The following DEPDC5 variants were observed in gnomAD, a reference collection of about 807,000 sequenced individuals.
The protein encoded by DEPDC5 is DEP domain containing 5, GATOR1 subcomplex subunit.
A neutral mutation model predicts 217.3 loss-of-function variants in DEPDC5; 73 were observed. That is an observed-to-expected ratio of 0.34 (90% CI 0.28 to 0.41). The LOEUF is 0.41. Ranked by LOEUF, DEPDC5 falls within the 10% of genes least tolerant of loss-of-function variation. The pLI is 1.00. For synonymous variants in DEPDC5, 733 were observed against 756.7 expected (o/e 0.97, Z 0.51); for missense variants, 1,675 against 2,070.1 (o/e 0.81, Z 3.70).
At chr22:31,798,795 A>C (rs2086543767) in intron 14 of DEPDC5, 139 bp downstream of exon 14, 1 of 693,066 alleles carries the variant, frequency 1.4e-6, no homozygotes. Context: ...CCACAGAATA[A>C]AGTGAAAGCA....
chr22:31,887,417 C>G, intron 38 of DEPDC5, among the ~76,000 whole-genome samples: 1 of 58,712 alleles, frequency 1.7e-5, no homozygotes, highest in Non-Finnish European at 2.9e-5. Context: ...GAAACTCTGT[C>G]TCAAAAAAAA....
chr22:31,855,533 C>T (rs891685607), intron 31 of DEPDC5, among the ~76,000 whole-genome samples: 6 of 152,086 alleles, frequency 3.9e-5, no homozygotes, highest in Admixed American at 2.0e-4. Context: ...CCCGCCACAA[C>T]GCCCGGCTAA....
At chr22:31,899,901 C>T (rs2093618934) in intron 40 of DEPDC5, among the ~76,000 whole-genome samples, 1 of 152,192 alleles carries the variant, frequency 6.6e-6, no homozygotes, top group African/African-American at 2.4e-5. Context: ...CACAGCCCTC[C>T]ACCCTTCCCC....
At chr22:31,792,971 G>C (rs929900474) in intron 12 of DEPDC5, among the ~76,000 whole-genome samples, 154 bp downstream of exon 12, 3 of 152,040 alleles carry the variant, frequency 2.0e-5, no homozygotes, top group Non-Finnish European at 2.9e-5. Flanking sequence ...TTGGGAGGCT[G>C]AGGTGGGAGG....
rs1016657420 is a variant in DEPDC5, at chr22:31,822,728, CCTT to C, written c.2046_2048del (p.Phe682del). The C allele has an allele frequency of 1.2e-6, 2 of 1,613,992 alleles. No individual in the cohort carries two copies. The highest frequency in any genetic ancestry group is 1.7e-6 in the Non-Finnish European group (2 of 1,180,018). On this transcript the variant is annotated inframe_deletion, in exon 24 of 43. Coordinates refer to ENST00000651528, the MANE Select transcript of DEPDC5 (RefSeq NM_001242896.3). Reference sequence around the variant, plus strand: ...TCCCGCCAGCCTGGTGACGGCATGTCCTTCTTGAACTTCAGTGGAACAGAGGAG... The same window carrying C: ...TCCCGCCAGCCTGGTGACGGCATGTCCTTGAACTTCAGTGGAACAGAGGAG...
chr22:31,784,636 A>AG, intron 9 of DEPDC5, 178 bp from the exon 10 acceptor site: 1 of 461,158 alleles, frequency 2.2e-6, no homozygotes, highest in Non-Finnish European at 3.8e-6. Context: ...AAAAAAAAAA[A>AG]GATGTACAAA....
chr22:31,899,286 C>A (rs112987138), intron 40 of DEPDC5, among the ~76,000 whole-genome samples: 4 of 152,312 alleles, frequency 2.6e-5, no homozygotes, highest in African/African-American at 9.6e-5. Context: ...TTTGTTCTTG[C>A]CATTTCCTAT....
chr22:31,859,801 C>G (rs1271353526), intron 32 of DEPDC5, among the ~76,000 whole-genome samples: 8 of 152,208 alleles, frequency 5.3e-5, no homozygotes, highest in African/African-American at 1.9e-4. Flanking sequence ...GCATTAGGTA[C>G]CAAGGACAGT....
chr22:31,815,305 A>C, intron 21 of DEPDC5, 93 bp downstream of exon 21: 2 of 1,307,150 alleles, frequency 1.5e-6, no homozygotes, highest in Non-Finnish European at 2.2e-6. Context: ...GTGGGGTGTA[A>C]ATCCCACATC....
intron 9 of DEPDC5, chr22:31,784,551 C>A: frequency 3.2e-6 from 1 of 314,738 alleles, no homozygotes; most frequent in South Asian, 3.9e-5. Context: ...ATCGCTTGAA[C>A]CTGGGCGGCA....
At chr22:31,856,730 T>A (rs904821886) in intron 31 of DEPDC5, among the ~76,000 whole-genome samples, 6 of 152,204 alleles carry the variant, frequency 3.9e-5, no homozygotes, top group Non-Finnish European at 8.8e-5. Flanking sequence ...GTATAGAGAA[T>A]TAACACATCT....
rs1329100719 is a variant in DEPDC5 at position 31,907,119 on chromosome 22, T to A, written c.*622T>A. 6.5e-6 allele frequency: 1 copy of A among 154,304 alleles called. No individual in the cohort carries two copies. The highest frequency in any genetic ancestry group is 1.4e-5 in the Non-Finnish European group (1 of 69,562). 9.6% of individuals were successfully genotyped at this position (154,304 alleles called of 1,614,324 possible). ...CAGTCAATGAAGTGGTCACAGATGG[T>A]GAGAGGGCTTCAGAATTCACTGGCT... is the stretch of plus-strand genomic sequence containing the variant. On this transcript the variant is annotated 3_prime_UTR_variant, in exon 43 of 43. Transcript: ENST00000651528.
intron 38 of DEPDC5, among the ~76,000 whole-genome samples, chr22:31,888,743 T>C (rs984870036): frequency 6.6e-6 from 1 of 151,640 alleles, no homozygotes; most frequent in African/African-American, 2.4e-5. Context: ...GGAGACAGGG[T>C]CTTTGTTGCC....
chr22:31,829,647 A>C (rs961991056), intron 24 of DEPDC5, among the ~76,000 whole-genome samples: 5 of 152,046 alleles, frequency 3.3e-5, no homozygotes, highest in Non-Finnish European at 7.4e-5. Context: ...TTTCTCCTGC[A>C]TTTGGACATG....
At chr22:31,826,596 CCCGG>C in intron 24 of DEPDC5, 1 of 342,314 alleles carries the variant, frequency 2.9e-6, no homozygotes, top group Non-Finnish European at 5.8e-6. Context: ...TGAAGCCTGC[CCCGG>C]TGGTTCCCCC....
chr22:31,902,408 T>TATATATATATATATA (rs2093663741), intron 41 of DEPDC5, among the ~76,000 whole-genome samples: 12 of 111,948 alleles, frequency 1.1e-4, no homozygotes, highest in African/African-American at 3.4e-4. Flanking sequence ...CATCTCCTTA[T>TATATATATATATATA]TATATATATA....
rs762226128 is a variant in DEPDC5 at position 31,906,528 on chromosome 22, G to A, written c.*31G>A. On this transcript the variant is annotated 3_prime_UTR_variant, in exon 43 of 43. Transcript: ENST00000651528. The surrounding 1 kb of genome is among the most constrained non-coding windows in gnomAD (Gnocchi z 5.1). ...GGCTGCACCTGTGCTGGGGGAAGGT[G>A]GGTGAGCCACTGCCCTCAAACCCGG... The A allele has an allele frequency of 3.9e-6, 6 of 1,557,988 alleles. No individual in the cohort carries two copies. Among genetic ancestry groups the A allele is most frequent in the Non-Finnish European group, 5.3e-6 (6 of 1,136,560 alleles).
At chr22:31,899,390 C>A (rs1399481423) in intron 40 of DEPDC5, among the ~76,000 whole-genome samples, 1 of 149,238 alleles carries the variant, frequency 6.7e-6, no homozygotes, top group Admixed American at 6.7e-5. Context: ...GCTTTTTGCC[C>A]TTTTTTTTTT....
rs750919199 is a variant in DEPDC5, at chr22:31,906,464, T to C, written c.4779T>C (p.Ser1593=). The C allele has an allele frequency of 7.4e-6, 12 of 1,613,798 alleles. No homozygotes were observed. The highest frequency in any genetic ancestry group is 1.0e-5 in the Non-Finnish European group (12 of 1,180,028). Residue 1593 remains serine (S), a synonymous_variant, in exon 43 of 43, where the codon AGT becomes AGC. Transcript: ENST00000651528. This position sits in a 1 kb window ranked among gnomAD's most constrained non-coding sequence, Gnocchi z 5.1. ...ACCGGCTGGTCACGTTCTGGACAAG[T>C]TGCCTGGAGAAGATGCATGCCAGTG... The part of the protein sequence containing the change: ...RDNRLVTFWT[S]CLEKMHASAP
Sources: gnomAD v4.1 joint callset for allele counts (sites outside exome capture counted in the v4.1 genomes callset) on GRCh38, gnomAD v4.1.1 for gene constraint, Gnocchi (gnomAD v3.1) non-coding constraint, MANE v1.5 for transcripts, NCBI Gene and HGNC (gene_info 2026-07-23, HGNC 2026-07-21) for gene names.